PLD5: variants seen among roughly 807,000 people sequenced by gnomAD.
PLD5 encodes the protein phospholipase D family member 5, also known as inactive phospholipase D5.
Under a neutral mutation model 61.1 loss-of-function variants are expected in PLD5, and 36 were observed. The ratio of observed to expected loss-of-function variants is 0.59; its 90% CI spans 0.45 to 0.78. PLD5 has a LOEUF of 0.78. PLD5 is among the 30% of genes least tolerant of loss of function. PLD5 has a pLI of 0.00. For synonymous variants in PLD5, 243 were observed against 242.8 expected, an observed-to-expected ratio of 1.00 and a Z score of -0.01; for missense variants, 515 against 644.4, an observed-to-expected ratio of 0.80 and a Z score of 2.17.
intron 5 of PLD5, chr1:242,192,122 C>T (rs1441161327): frequency 6.6e-6 from 1 of 152,198 alleles, no homozygotes; most frequent in African/African-American, 2.4e-5. Context: ...TATATAACTG[C>T]CTAGTTGACG....
intron 1 of PLD5, among the ~76,000 whole-genome samples, chr1:242,397,006 C>G (rs922401976): frequency 2.0e-5 from 3 of 152,046 alleles, no homozygotes; most frequent in Non-Finnish European, 4.4e-5. Flanking sequence ...TCTGGCCCCT[C>G]TTTTTCAGTC....
intron 1 of PLD5, among the ~76,000 whole-genome samples, chr1:242,459,648 C>T (rs1259021812): frequency 6.6e-6 from 1 of 152,120 alleles, no homozygotes; most frequent in Non-Finnish European, 1.5e-5. Flanking sequence ...CAAAATTGCA[C>T]GCAGGATTGT....
chr1:242,144,498 C>G (rs2636259), intron 5 of PLD5, among the ~76,000 whole-genome samples: 91,314 of 151,994 alleles, frequency 0.6, 28,213 homozygotes, highest in African/African-American at 0.74. Context: ...AGAATGAAAA[C>G]AGGTTAGGTG....
At chr1:242,383,999 A>G (rs902045592) in intron 1 of PLD5, among the ~76,000 whole-genome samples, 5 of 152,220 alleles carry the variant, frequency 3.3e-5, no homozygotes, top group African/African-American at 1.2e-4. Flanking sequence ...GAGCACTTGC[A>G]TTGCTAGAGG....
intron 6 of PLD5, among the ~76,000 whole-genome samples, chr1:242,115,967 CATT>C (rs1235720643): frequency 5.9e-5 from 9 of 152,180 alleles, no homozygotes; most frequent in African/African-American, 1.9e-4. Flanking sequence ...TTGGTTTTCT[CATT>C]ATTTTTCCAC....
chr1:242,132,003 T>TTATTTTTAG (rs1663297657), intron 5 of PLD5, among the ~76,000 whole-genome samples: 1 of 151,448 alleles, frequency 6.6e-6, no homozygotes, highest in Admixed American at 6.6e-5. Flanking sequence ...GGCTAATTTT[T>TTATTTTTAG]TATTTTTAGT....
At chr1:242,285,034 C>T (rs1427551067) in intron 3 of PLD5, among the ~76,000 whole-genome samples, 2 of 152,210 alleles carry the variant, frequency 1.3e-5, no homozygotes, top group African/African-American at 4.8e-5. Flanking sequence ...AGCAGTATGA[C>T]TCTACCAGAA....
intron 1 of PLD5, among the ~76,000 whole-genome samples, chr1:242,368,713 G>A (rs1430892960): frequency 6.6e-6 from 1 of 152,152 alleles, no homozygotes; most frequent in Non-Finnish European, 1.5e-5. Flanking sequence ...ACAAAGGGAA[G>A]GTGGAGCCCC....
intron 1 of PLD5, among the ~76,000 whole-genome samples, chr1:242,451,261 A>T (rs1394427218): frequency 6.6e-6 from 1 of 152,234 alleles, no homozygotes; most frequent in East Asian, 1.9e-4. Context: ...TTCCTCCTTC[A>T]GAAAGAGTTC....
At chr1:242,456,672 T>C (rs1666954031) in intron 1 of PLD5, among the ~76,000 whole-genome samples, 1 of 152,188 alleles carries the variant, frequency 6.6e-6, no homozygotes, top group Non-Finnish European at 1.5e-5. Flanking sequence ...ACCTGAGGGA[T>C]GAATATTGGC....
intron 5 of PLD5, among the ~76,000 whole-genome samples, chr1:242,162,263 C>CA (rs1176645999): frequency 6.6e-6 from 1 of 152,128 alleles, no homozygotes; most frequent in Non-Finnish European, 1.5e-5. Context: ...TAGGAAGGAA[C>CA]ATTTCTTTCT....
intron 1 of PLD5, among the ~76,000 whole-genome samples, chr1:242,486,824 A>G (rs1466856931): frequency 2.0e-5 from 3 of 152,172 alleles, no homozygotes; most frequent in Admixed American, 2.0e-4. Flanking sequence ...ATGTCCAACA[A>G]TGATAGACTG....
At chr1:242,196,296 C>A (rs137860550) in intron 5 of PLD5, among the ~76,000 whole-genome samples, 2 of 152,274 alleles carry the variant, frequency 1.3e-5, no homozygotes, top group Admixed American at 6.5e-5. Context: ...TGCCCTCACG[C>A]GCTGTCGGTA....
At chr1:242,452,283 A>G (rs536973987) in intron 1 of PLD5, among the ~76,000 whole-genome samples, 1 of 152,140 alleles carries the variant, frequency 6.6e-6, no homozygotes, top group African/African-American at 2.4e-5. Context: ...CTGAATAATC[A>G]TCTGCCTGTT....
At chr1:242,477,380 G>T (rs903675943) in intron 1 of PLD5, among the ~76,000 whole-genome samples, 3 of 152,192 alleles carry the variant, frequency 2.0e-5, no homozygotes, top group Non-Finnish European at 4.4e-5. Context: ...CACAGAAACA[G>T]CAGGATAGGT....
intron 4 of PLD5, among the ~76,000 whole-genome samples, chr1:242,233,728 T>C (rs1439735843): frequency 6.6e-6 from 1 of 152,090 alleles, no homozygotes; most frequent in Non-Finnish European, 1.5e-5. Flanking sequence ...CCAATACACA[T>C]GAAAAATAAG....
At chr1:242,487,414 A>G (rs1027180090) in intron 1 of PLD5, among the ~76,000 whole-genome samples, 1 of 152,206 alleles carries the variant, frequency 6.6e-6, no homozygotes, top group African/African-American at 2.4e-5. Context: ...ATAGATATAG[A>G]AACAAAACAC....
intron 5 of PLD5, among the ~76,000 whole-genome samples, chr1:242,199,535 G>C (rs906135984): frequency 1.3e-5 from 2 of 152,170 alleles, no homozygotes; most frequent in African/African-American, 4.8e-5. Flanking sequence ...GATTACAGGG[G>C]TGAGCCATGG....
chr1:242,351,357 C>T (rs1307699644), intron 1 of PLD5, among the ~76,000 whole-genome samples: 2 of 152,126 alleles, frequency 1.3e-5, no homozygotes, highest in African/African-American at 4.8e-5. Context: ...TGTCCCCACC[C>T]AAATCTCATC....
Sources: gnomAD v4.1 joint callset for allele counts (sites outside exome capture counted in the v4.1 genomes callset) on GRCh38, gnomAD v4.1.1 for gene constraint, MANE v1.5 for transcripts, NCBI Gene and HGNC (gene_info 2026-07-23, HGNC 2026-07-21) for gene names.